Variants in WDR62 observed in about 807,000 individuals in gnomAD.
WDR62 encodes WD repeat domain 62.
WDR62 carries 112 observed loss-of-function variants against 160.6 expected under a neutral mutation model. The observed-to-expected ratio is 0.70, with a 90% CI of 0.60 to 0.82. The LOEUF (loss-of-function observed/expected upper bound fraction) is 0.82, where lower values mean the gene tolerates loss of function less well. WDR62 is among the 40% of genes least tolerant of loss of function. WDR62 has a pLI of 0.00. For synonymous variants in WDR62, 792 were observed against 815.1 expected (o/e 0.97, Z 0.48); for missense variants, 1,819 against 1,983.8 (o/e 0.92, Z 1.58).
At chr19:36,073,284 G>C (rs1371878772) in intron 8 of WDR62, 58 bp from the exon 9 acceptor site, 1 of 1,527,080 alleles carries the variant, frequency 6.5e-7, no homozygotes, top group African/African-American at 1.4e-5. Context: ...GTCACTAGAG[G>C]TGGCTGTCAC....
chr19:36,082,669 C>G (rs946832543), intron 10 of WDR62, among the ~76,000 whole-genome samples: 1 of 152,188 alleles, frequency 6.6e-6, no homozygotes, highest in African/African-American at 2.4e-5. Context: ...TGAAAGTAGT[C>G]TGAAGGTAAC....
chr19:36,099,709 C>T, intron 22 of WDR62, 92 bp downstream of exon 22: 1 of 1,273,322 alleles, frequency 7.9e-7, no homozygotes, highest in Non-Finnish European at 1.1e-6. Context: ...TCCATGGGGG[C>T]AGGGAGGATT....
chr19:36,096,889 C>T (rs558312046), intron 20 of WDR62, 138 bp from the exon 21 acceptor site: 573 of 783,336 alleles, frequency 7.3e-4, no homozygotes, highest in Non-Finnish European at 9.3e-4. Flanking sequence ...TTTAAGTTTG[C>T]ATTTCCCTAA....
intron 20 of WDR62, among the ~76,000 whole-genome samples, chr19:36,095,320 C>T (rs1235824395): frequency 2.0e-5 from 3 of 152,134 alleles, no homozygotes; most frequent in African/African-American, 7.2e-5. Context: ...GAGAATAGAA[C>T]ACCTCTTTCC....
intron 20 of WDR62, among the ~76,000 whole-genome samples, chr19:36,096,722 A>G (rs1972987780): frequency 6.6e-6 from 1 of 151,958 alleles, no homozygotes; most frequent in Admixed American, 6.6e-5. Flanking sequence ...AAAAAAGAAA[A>G]AAAAAGAGAA....
In WDR62 at chr19:36,071,792, A is replaced by G. The variant is rs1473042615; in HGVS notation, c.1043+76A>G. ...CACTGGCATTCATCCATGCTTCCAG[A>G]TCCATCTATCTGTCTGTCCATCCCA... On this transcript the variant is annotated intron_variant, in intron 8 of 31. Coordinates refer to ENST00000401500, the MANE Select transcript of WDR62 (RefSeq NM_001083961.2). 3.9e-6 allele frequency: 6 copies of G among 1,530,686 alleles called. No homozygotes were observed. In the African/African-American group the frequency reaches 8.2e-5, roughly 21 times the overall value. The allele number at this position is 1,530,686 out of a possible 1,614,324, so 94.8% of individuals were successfully genotyped here. A position where few individuals can be genotyped will look rare whatever the true frequency, so the allele number is the denominator to read the frequency against.
chr19:36,090,458 G>C lies in WDR62; in HGVS notation c.1972G>C (p.Val658Leu), dbSNP rs759859880. The C allele has an allele frequency of 2.8e-5, 46 of 1,614,104 alleles. No homozygotes were observed. Among genetic ancestry groups the C allele is most frequent in the Non-Finnish European group, 3.6e-5 (43 of 1,179,986 alleles). Residue 658 changes from valine to leucine, a missense_variant, in exon 16 of 32, where the codon GTG becomes CTG. Transcript: ENST00000401500. ...QDRNVRVYNT[V>L]NGKQKKCYKG... The stretch of plus-strand genomic sequence containing the variant: ...CTACTTCCCCAGAGTCTACAACACT[G>C]TGAACGGGAAGCAGAAGAAGTGCTA...
chr19:36,095,592 G>A (rs1972908694), intron 20 of WDR62, among the ~76,000 whole-genome samples: 1 of 152,204 alleles, frequency 6.6e-6, no homozygotes, highest in African/African-American at 2.4e-5. Flanking sequence ...TCAGGAGTTC[G>A]AGACCAGCCT....
Position 36,073,447 on chromosome 19 carries a change from C to T in WDR62, c.1149C>T (p.Ile383=). 6.2e-7 allele frequency: 1 copy of T among 1,614,120 alleles called. No individual in the cohort carries two copies. Among genetic ancestry groups the T allele is most frequent in the Non-Finnish European group, 8.5e-7 (1 of 1,180,014 alleles). Residue 383 remains isoleucine (I), a synonymous_variant, in exon 9 of 32, where the codon ATC becomes ATT. Transcript: ENST00000401500. ...CCTGCGTGTATAAGGACCACAGCAT[C>T]TACATCTGGGATGTCAAGGACATCA... is the stretch of plus-strand genomic sequence containing the variant. The part of the protein sequence containing the change: ...WLSCVYKDHS[I]YIWDVKDINR...
Position 36,067,824 on chromosome 19 carries a change from C to T in WDR62, c.700-4C>T. 1 of 1,613,932 alleles carries T rather than the reference C, an allele frequency of 6.2e-7. No individual in the cohort carries two copies. Among genetic ancestry groups the T allele is most frequent in the Non-Finnish European group, 8.5e-7 (1 of 1,180,016 alleles). On this transcript the variant is annotated splice_region_variant and splice_polypyrimidine_tract_variant and intron_variant, in intron 6 of 31. Transcript: ENST00000401500. ...GTATCTCACTACGCCCTCTGTGTCT[C>T]CAGGTGACGAGCACAGTGCCCCTTG...
Position 36,054,935 on chromosome 19 carries a change from T to G in WDR62, c.-37T>G, listed in dbSNP as rs904482047. 6.5e-7 allele frequency: 1 copy of G among 1,548,722 alleles called. No homozygotes were observed. ...GTCGTGGCGGTGGCGGCAGCGGCGG[T>G]TAGGGGATGTAACGGTCGCCCGCCT... On this transcript the variant is annotated 5_prime_UTR_variant, in exon 1 of 32. Transcript: ENST00000401500.
At chr19:36,100,674 G>A in intron 22 of WDR62, 74 bp from the exon 23 acceptor site, 5 of 1,604,486 alleles carry the variant, frequency 3.1e-6, no homozygotes, top group South Asian at 2.2e-5. Context: ...TGGGGCTGCT[G>A]GCATGGTTCC....
rs971880724 is a variant in WDR62, at chr19:36,091,911, A to T, written c.2210+446A>T. On this transcript the variant is annotated intron_variant, in intron 18 of 31. Transcript: ENST00000401500. The stretch of plus-strand genomic sequence containing the variant: ...AAAAAACAAAACACTAAAAAAACAT[A>T]TCCCAGCTCTGCCATTTATTTTCTT... Among the ~76,000 whole-genome samples the T allele has an allele frequency of 4.9e-4, 75 of 151,908 alleles. 2 individuals carry two copies. Among genetic ancestry groups the T allele is most frequent in the Middle Eastern group, 3.4e-3 (1 of 292 alleles).
chr19:36,094,003 T>C, intron 19 of WDR62, 28 bp from the exon 20 acceptor site: 1 of 1,613,072 alleles, frequency 6.2e-7, no homozygotes, highest in Non-Finnish European at 8.5e-7. Context: ...CTGTATTCTC[T>C]CCTTACCATC....
downstream of WDR62, among the ~76,000 whole-genome samples, chr19:36,106,245 A>G (rs1474519659): frequency 6.6e-6 from 1 of 151,954 alleles, no homozygotes; most frequent in Non-Finnish European, 1.5e-5. Context: ...GCACACCTGT[A>G]GTCCCAGCTA....
intron 9 of WDR62, among the ~76,000 whole-genome samples, chr19:36,079,155 C>T (rs1971750998): frequency 6.6e-6 from 1 of 152,074 alleles, no homozygotes. Flanking sequence ...GATCACAGCT[C>T]ACTGAAGCCT....
At chr19:36,105,830 C>T (rs1599854080), downstream of WDR62, among the ~76,000 whole-genome samples, 1 of 152,156 alleles carries the variant, frequency 6.6e-6, no homozygotes, top group African/African-American at 2.4e-5. Flanking sequence ...TCCCGAGTAG[C>T]TGGGATTACA....
At chr19:36,066,200 C>T in intron 4 of WDR62, 57 bp from the exon 5 acceptor site, 4 of 1,611,674 alleles carry the variant, frequency 2.5e-6, no homozygotes, top group Non-Finnish European at 3.4e-6. Flanking sequence ...GCCTTGACAA[C>T]CCTCTAGCCC....
intron 9 of WDR62, chr19:36,074,020 G>C: frequency 6.2e-6 from 2 of 323,138 alleles, no homozygotes; most frequent in East Asian, 7.7e-5. Context: ...AGTTGAAGAC[G>C]GGGCATGGTG....
Sources: allele counts gnomAD v4.1 joint callset (sites outside exome capture counted in the v4.1 genomes callset), GRCh38; gene constraint gnomAD v4.1.1; transcripts MANE v1.5; gene names NCBI Gene and HGNC (gene_info 2026-07-23, HGNC 2026-07-21).